PCDH11X: variants seen among roughly 807,000 people sequenced by gnomAD.
The protein encoded by PCDH11X is protocadherin 11 X-linked.
A neutral mutation model predicts 53.3 loss-of-function variants in PCDH11X; 18 were observed. The observed-to-expected ratio is 0.34, with a 90% confidence interval of 0.23 to 0.50. The LOEUF is 0.50. Among genes scored for constraint, PCDH11X ranks in the 20% least tolerant of loss-of-function variants. The pLI is 0.98. For synonymous variants in PCDH11X, 279 were observed against 393.3 expected (o/e 0.71, Z 3.44); for missense variants, 570 against 1,032.4 (o/e 0.55, Z 6.14).
chrX:92,432,086 T>A lies in PCDH11X; in HGVS notation c.3344-36213T>A, dbSNP rs758989735. Among the ~76,000 whole-genome samples, 102 of 110,337 alleles carry A rather than the reference T, an allele frequency of 9.2e-4. 1 individual carries two copies. Among genetic ancestry groups the A allele is most frequent in the African/African-American group, 3.2e-3 (97 of 30,639 alleles). On this transcript the variant is annotated intron_variant, in intron 9 of 10. Coordinates refer to ENST00000682573, the MANE Select transcript of PCDH11X (RefSeq NM_032968.5). ...TTGACCATTTTATCGTAGTTAATGA[T>A]CCTTTTGCATTTTTATTACCAGTAT...
chrX:92,403,329 G>GTTTTTTTGTT (rs2071428358), intron 9 of PCDH11X, among the ~76,000 whole-genome samples: 1 of 58,814 alleles, frequency 1.7e-5, no homozygotes, highest in African/African-American at 7.8e-5. Context: ...GGGCATTTAC[G>GTTTTTTTGTT]TTTTTTTTTG....
At chrX:92,335,902 AT>A (rs2069606361) in intron 8 of PCDH11X, among the ~76,000 whole-genome samples, 1 of 111,744 alleles carries the variant, frequency 8.9e-6, no homozygotes, top group South Asian at 3.7e-4. Flanking sequence ...TACCTTTTCT[AT>A]TTAATATCTA....
At chrX:92,339,383 CT>C (rs1017277942) in intron 8 of PCDH11X, among the ~76,000 whole-genome samples, 2 of 112,255 alleles carry the variant, frequency 1.8e-5, no homozygotes, top group African/African-American at 6.5e-5. Context: ...ACTAAGTCCT[CT>C]AAAGCAATTG....
intron 7 of PCDH11X, among the ~76,000 whole-genome samples, chrX:92,228,946 A>G (rs1400388978): frequency 4.5e-5 from 5 of 111,733 alleles, no homozygotes; most frequent in Non-Finnish European, 9.4e-5. Context: ...TGTATAGGCT[A>G]AGAGATCCAA....
intron 4 of PCDH11X, among the ~76,000 whole-genome samples, chrX:91,822,495 G>T (rs1936727888): frequency 9.0e-6 from 1 of 111,229 alleles, no homozygotes; most frequent in Non-Finnish European, 1.9e-5. Flanking sequence ...ATGGTAGTTT[G>T]TATTCCTGTG....
At chrX:91,948,339 C>T (rs1569271362) in intron 6 of PCDH11X, among the ~76,000 whole-genome samples, 1 of 110,498 alleles carries the variant, frequency 9.0e-6, no homozygotes, top group Non-Finnish European at 1.9e-5. Context: ...CACATTATTT[C>T]CAATTCCATG....
chrX:91,950,193 G>C (rs894034630), intron 6 of PCDH11X, among the ~76,000 whole-genome samples: 2 of 106,584 alleles, frequency 1.9e-5, no homozygotes, highest in African/African-American at 6.8e-5. Flanking sequence ...AGTATTTTTT[G>C]GTTACATGGA....
intron 10 of PCDH11X, among the ~76,000 whole-genome samples, chrX:92,588,592 A>G (rs1242621357): frequency 2.7e-5 from 3 of 109,574 alleles, no homozygotes; most frequent in African/African-American, 9.9e-5. Flanking sequence ...GTCAGACTGT[A>G]TGAAAATACA....
intron 7 of PCDH11X, among the ~76,000 whole-genome samples, chrX:92,248,554 C>T (rs1271595600): frequency 9.0e-6 from 1 of 111,416 alleles, no homozygotes; most frequent in Non-Finnish European, 1.9e-5. Context: ...TCCATCACCT[C>T]AAGCAGTTGT....
intron 6 of PCDH11X, among the ~76,000 whole-genome samples, chrX:92,188,383 C>T (rs1272630285): frequency 9.0e-6 from 1 of 111,209 alleles, no homozygotes; most frequent in Non-Finnish European, 1.9e-5. Flanking sequence ...CTGTTATGTA[C>T]TAGAGAGCAT....
At chrX:92,576,011 TAC>T (rs1243169398) in intron 10 of PCDH11X, among the ~76,000 whole-genome samples, 32 of 28,084 alleles carry the variant, frequency 1.1e-3, no homozygotes, top group South Asian at 3.6e-3. Context: ...TATATATATA[TAC>T]ACACACACAC....
intron 8 of PCDH11X, among the ~76,000 whole-genome samples, chrX:92,364,408 G>T (rs1226183654): frequency 9.0e-6 from 1 of 111,194 alleles, no homozygotes; most frequent in Non-Finnish European, 1.9e-5. Flanking sequence ...CATAGAAAAG[G>T]TAGCGTAAAA....
intron 6 of PCDH11X, among the ~76,000 whole-genome samples, chrX:92,042,634 CTT>C (rs3865918): frequency 0.072 from 4,205 of 58,581 alleles, 85 homozygotes; most frequent in East Asian, 0.29. Context: ...AAAGTTGTTG[CTT>C]TTTTTTTTTT....
intron 6 of PCDH11X, chrX:92,114,324 G>A: frequency 4.8e-6 from 5 of 1,040,663 alleles, no homozygotes; most frequent in Non-Finnish European, 6.7e-6. Context: ...AGGCATAGAT[G>A]TCACGGAGAA....
At chrX:91,843,075 T>C (rs1218153459) in intron 5 of PCDH11X, among the ~76,000 whole-genome samples, 1 of 107,564 alleles carries the variant, frequency 9.3e-6, no homozygotes, top group Admixed American at 1.0e-4. Context: ...TTAGTCTAAT[T>C]CCAGTAATCT....
chrX:92,055,021 T>C (rs931539452), intron 6 of PCDH11X, among the ~76,000 whole-genome samples: 26 of 63,341 alleles, frequency 4.1e-4, no homozygotes, highest in African/African-American at 1.6e-3. Context: ...ATACCCATTA[T>C]GTGGATATCT....
chrX:92,461,595 T>C (rs1358487625), intron 9 of PCDH11X, among the ~76,000 whole-genome samples: 1 of 112,116 alleles, frequency 8.9e-6, no homozygotes, highest in Non-Finnish European at 1.9e-5. Context: ...GACCTTAAAC[T>C]ATGAAACTAC....
chrX:92,110,132 T>G (rs2064471820), intron 6 of PCDH11X, among the ~76,000 whole-genome samples: 2 of 112,163 alleles, frequency 1.8e-5, no homozygotes, highest in South Asian at 7.2e-4. Flanking sequence ...ATTTTTATTT[T>G]AAACTTATCC....
At chrX:92,366,486 T>A (rs1383357638) in intron 8 of PCDH11X, among the ~76,000 whole-genome samples, 1 of 108,838 alleles carries the variant, frequency 9.2e-6, no homozygotes, top group African/African-American at 3.4e-5. Context: ...TGTGTCTCTA[T>A]CTCCTTCAGT....
Sources: gnomAD v4.1 joint callset for allele counts (sites outside exome capture counted in the v4.1 genomes callset) on GRCh38, gnomAD v4.1.1 for gene constraint, MANE v1.5 for transcripts, NCBI Gene and HGNC (gene_info 2026-07-23, HGNC 2026-07-21) for gene names.